Variants in OGDH observed in about 807,000 individuals in gnomAD.
OGDH encodes 2-oxoglutarate dehydrogenase complex component E1.
Under a neutral mutation model 116.6 loss-of-function variants are expected in OGDH, and 38 were observed. The ratio of observed to expected loss-of-function variants is 0.33; its 90% CI spans 0.25 to 0.43. The LOEUF (loss-of-function observed/expected upper bound fraction) is 0.43, where lower values mean the gene tolerates loss of function less well. OGDH is among the 20% of genes least tolerant of loss of function. The pLI, the probability that OGDH is intolerant of heterozygous loss-of-function variation, is 1.00. For synonymous variants in OGDH, 488 were observed against 533.3 expected, an observed-to-expected ratio of 0.92 and a Z score of 1.17; for missense variants, 825 against 1,357.2, an observed-to-expected ratio of 0.61 and a Z score of 6.16.
chr7:44,653,507 G>T lies in OGDH; in HGVS notation c.517+5748G>T, dbSNP rs530163456. 3.3e-5 allele frequency among the ~76,000 whole-genome samples: 5 copies of T among 152,278 alleles called. 1 individual carries two copies. The highest frequency in any genetic ancestry group is 3.3e-4 in the Admixed American group (5 of 15,292). On this transcript the variant is annotated intron_variant, in intron 4 of 22. Transcript: ENST00000222673. ...TTTTCACAGTGACAAAAATGATTGA[G>T]ATGTACTTTACTGGGTTTTTTGTTG...
rs1785121141 is a variant in OGDH at position 44,624,365 on chromosome 7, G to A, written c.22G>A (p.Ala8Thr). Reference protein sequence around the residue: MFHLRTCAAKLRPLTASQ... With the variant: MFHLRTCTAKLRPLTASQ... Reference sequence around the variant, plus strand: ...AAAAATGTTTCATTTAAGGACTTGTGCTGCTAAGTTGAGGCCATTGACGGC... The same window carrying A: ...AAAAATGTTTCATTTAAGGACTTGTACTGCTAAGTTGAGGCCATTGACGGC... Residue 8 changes from alanine (A) to threonine (T), a missense_variant, in exon 2 of 23, where the codon GCT (alanine) becomes ACT (threonine). Physicochemically the swap from Ala to Thr is moderately conservative, Grantham distance 58. Coordinates refer to ENST00000222673, the MANE Select transcript of OGDH (RefSeq NM_002541.4). 4 of 1,543,516 alleles carry A rather than the reference G, an allele frequency of 2.6e-6. No individual in the cohort carries two copies. The highest frequency in any genetic ancestry group is 1.5e-5 in the African/African-American group (1 of 67,978).
chr7:44,616,394 A>G (rs13312240), intron 1 of OGDH, among the ~76,000 whole-genome samples: 62 of 152,128 alleles, frequency 4.1e-4, no homozygotes, highest in Non-Finnish European at 7.6e-4. Context: ...AAGCGTACTC[A>G]GGGATCTGAT....
chr7:44,706,849 C>G (rs985237229), intron 20 of OGDH, among the ~76,000 whole-genome samples: 3 of 151,958 alleles, frequency 2.0e-5, no homozygotes, highest in African/African-American at 7.3e-5. Flanking sequence ...GTCTCGAACT[C>G]CTGAACTCAG....
rs1788833085 is a variant in OGDH, at chr7:44,701,595, G to C, written c.2612G>C (p.Ser871Thr). The part of the protein sequence containing the change: ...SLLRHPEARS[S>T]FDEMLPGTHF... The stretch of plus-strand genomic sequence containing the variant: ...TTGCGCCACCCCGAGGCCAGATCCA[G>C]CTTTGATGAGATGCTTCCAGGTGGG... Residue 871 changes from serine (S) to threonine (T), a missense_variant, in exon 20 of 23, where the codon AGC (serine) becomes ACC (threonine). This residue lies in a region of OGDH where 212 missense variants were observed against 284.3 expected (regional missense o/e 0.75). Transcript: ENST00000222673. 1 of 1,614,102 alleles carries C rather than the reference G, an allele frequency of 6.2e-7. No individual in the cohort carries two copies. The highest frequency in any genetic ancestry group is 1.3e-5 in the African/African-American group (1 of 74,934).
intron 10 of OGDH, among the ~76,000 whole-genome samples, chr7:44,689,430 G>A (rs1788281489): frequency 7.5e-6 from 1 of 132,884 alleles, no homozygotes; most frequent in South Asian, 2.4e-4. Context: ...GTAGCAACAG[G>A]GTTTTGCCAT....
At chr7:44,648,565 A>G (rs1237026142) in intron 4 of OGDH, among the ~76,000 whole-genome samples, 1 of 152,192 alleles carries the variant, frequency 6.6e-6, no homozygotes, top group East Asian at 1.9e-4. Context: ...TGCTGATGAA[A>G]TTGATGATCA....
At chr7:44,616,797 G>GTATATATATACATATATATACA (rs1233680845) in intron 1 of OGDH, among the ~76,000 whole-genome samples, 3 of 90,610 alleles carry the variant, frequency 3.3e-5, no homozygotes, top group Non-Finnish European at 6.7e-5. Flanking sequence ...ATATATATGT[G>GTATATATATACATATATATACA]TATATATATG....
At chr7:44,652,456 G>C (rs1786492688) in intron 4 of OGDH, among the ~76,000 whole-genome samples, 1 of 152,152 alleles carries the variant, frequency 6.6e-6, no homozygotes, top group African/African-American at 2.4e-5. Context: ...CCAGTTTCCA[G>C]GTAAATCTCC....
At chr7:44,616,875 A>ACG (rs1562611362) in intron 1 of OGDH, among the ~76,000 whole-genome samples, 35 of 31,514 alleles carry the variant, frequency 1.1e-3, no homozygotes, top group East Asian at 2.8e-3. Context: ...ATATATACGT[A>ACG]TATATATATG....
chr7:44,680,360 T>TGGTGGG (rs1315604104), intron 9 of OGDH, among the ~76,000 whole-genome samples: 1 of 151,786 alleles, frequency 6.6e-6, no homozygotes, highest in African/African-American at 2.4e-5. Flanking sequence ...GGAGTAGAGG[T>TGGTGGG]GGTGGGCTTA....
chr7:44,633,777 A>G (rs1175317719), intron 2 of OGDH, among the ~76,000 whole-genome samples: 1 of 152,216 alleles, frequency 6.6e-6, no homozygotes. Context: ...GGCCTCAACC[A>G]GACGACCACA....
At chr7:44,696,675 C>T in intron 14 of OGDH, 118 bp downstream of exon 14, 2 of 1,442,600 alleles carry the variant, frequency 1.4e-6, no homozygotes, top group South Asian at 1.3e-5. Context: ...TCCCTTCCTG[C>T]CCTGCTCAAG....
chr7:44,676,233 AGCC>A, intron 9 of OGDH, 84 bp downstream of exon 9: 1 of 1,611,602 alleles, frequency 6.2e-7, no homozygotes, highest in Non-Finnish European at 8.5e-7. Flanking sequence ...CATAACCCAG[AGCC>A]CTGGGTGCAT....
intron 2 of OGDH, among the ~76,000 whole-genome samples, chr7:44,642,084 T>C (rs1416610495): frequency 6.6e-6 from 1 of 152,192 alleles, no homozygotes; most frequent in African/African-American, 2.4e-5. Context: ...TTCCAAACCC[T>C]GGGTTTCTTT....
intron 1 of OGDH, among the ~76,000 whole-genome samples, chr7:44,615,209 T>C (rs1784723909): frequency 6.6e-6 from 1 of 152,246 alleles, no homozygotes; most frequent in South Asian, 2.1e-4. Context: ...TTATGGACTC[T>C]TGATCTTGTT....
intron 3 of OGDH, 182 bp from the exon 4 acceptor site, chr7:44,647,475 C>T: frequency 6.5e-7 from 1 of 1,538,614 alleles, no homozygotes; most frequent in Non-Finnish European, 8.7e-7. Flanking sequence ...AAACTTGATC[C>T]TCTCGGAATT....
intron 2 of OGDH, among the ~76,000 whole-genome samples, chr7:44,638,215 G>C (rs998547860): frequency 6.6e-6 from 1 of 152,188 alleles, no homozygotes; most frequent in African/African-American, 2.4e-5. Flanking sequence ...AGATTGGAGA[G>C]ATGAATAACA....
At chr7:44,673,165 A>G (rs2116139457) in intron 5 of OGDH, among the ~76,000 whole-genome samples, 1 of 152,240 alleles carries the variant, frequency 6.6e-6, no homozygotes, top group South Asian at 2.1e-4. Flanking sequence ...CAGGAGTTCA[A>G]GACCAGCCTG....
intron 4 of OGDH, among the ~76,000 whole-genome samples, chr7:44,651,413 CAG>C (rs1406830668): frequency 6.6e-6 from 1 of 152,136 alleles, no homozygotes. Flanking sequence ...TGTACAGACA[CAG>C]AACTCCACAG....
Sources: gnomAD v4.1 joint callset for allele counts (sites outside exome capture counted in the v4.1 genomes callset) on GRCh38, gnomAD v4.1.1 for gene constraint, gnomAD v4.1.1 regional missense constraint, MANE v1.5 for transcripts, NCBI Gene and HGNC (gene_info 2026-07-23, HGNC 2026-07-21) for gene names.